The following PRIM2 variants were observed in gnomAD, a reference collection of about 807,000 sequenced individuals.
The protein encoded by PRIM2 is DNA primase subunit 2.
A neutral mutation model predicts 67.3 loss-of-function variants in PRIM2; 39 were observed. The observed-to-expected ratio is 0.58, with a 90% CI of 0.45 to 0.76. The LOEUF (loss-of-function observed/expected upper bound fraction) is 0.76. Among genes scored for constraint, PRIM2 ranks in the 30% least tolerant of loss-of-function variants. The pLI, the probability that PRIM2 is intolerant of heterozygous loss-of-function variation, is 0.00. For missense variants in PRIM2, 398 were observed against 598.7 expected (o/e 0.66, Z 3.50); for synonymous variants, 143 against 198.7 (o/e 0.72, Z 2.36).
intron 10 of PRIM2, among the ~76,000 whole-genome samples, chr6:57,599,612 C>T (rs1163053961): frequency 0.18 from 28,060 of 151,988 alleles, 2,734 homozygotes; most frequent in South Asian, 0.22. Context: ...CTATTAATCA[C>T]GCATTCACAT....
Position 57,532,515 on chromosome 6 carries a change from T to C in PRIM2, c.834+32T>C, listed in dbSNP as rs1424461380. 1.2e-5 allele frequency: 13 copies of C among 1,093,880 alleles called. No homozygotes were observed. The East Asian group carries it at 3.5e-4, about 30-fold the overall frequency. The allele number at this position is 1,093,880 out of a possible 1,614,324, so 67.8% of individuals were successfully genotyped here. A position where few individuals can be genotyped will look rare whatever the true frequency, so the allele number is the denominator to read the frequency against. Reference sequence around the variant, plus strand: ...AGAACATTATTTTAAACTTAGAACTTTATCAATGGAGGGAACATAGATTTT... The same window carrying C: ...AGAACATTATTTTAAACTTAGAACTCTATCAATGGAGGGAACATAGATTTT... On this transcript the variant is annotated intron_variant, in intron 9 of 13. Coordinates refer to ENST00000615550, the MANE Select transcript of PRIM2 (RefSeq NM_000947.5).
intron 5 of PRIM2, among the ~76,000 whole-genome samples, chr6:57,330,361 GTT>G (rs59599812): frequency 4.5e-5 from 5 of 110,380 alleles, no homozygotes; most frequent in South Asian, 3.1e-4. Flanking sequence ...TTTTTTTTTT[GTT>G]TTTGTTTTTT....
At chr6:57,511,167 C>T (rs1774358346) in intron 8 of PRIM2, among the ~76,000 whole-genome samples, 1 of 152,052 alleles carries the variant, frequency 6.6e-6, no homozygotes, top group Non-Finnish European at 1.5e-5. Flanking sequence ...ATTAAGGTAA[C>T]ACTGCCAATC....
At chr6:57,274,087 A>T in the PRIM2 span, among the ~76,000 whole-genome samples, 1 of 152,174 alleles carries the variant, frequency 6.6e-6, no homozygotes, top group Non-Finnish European at 1.5e-5. Context: ...GACCCACTTG[A>T]GGAGGCAGTC....
At chr6:57,455,751 C>A (rs1772749984) in intron 7 of PRIM2, among the ~76,000 whole-genome samples, 1 of 152,168 alleles carries the variant, frequency 6.6e-6, no homozygotes, top group African/African-American at 2.4e-5. Flanking sequence ...ATTTGCCAGT[C>A]TGTGTCTTTT....
At chr6:57,628,747 T>G (rs1427334710) in intron 12 of PRIM2, among the ~76,000 whole-genome samples, 5 of 152,184 alleles carry the variant, frequency 3.3e-5, no homozygotes, top group African/African-American at 9.7e-5. Flanking sequence ...TATTTGATTT[T>G]TTTTTCCTGC....
At chr6:57,305,936 T>C in the PRIM2 span, among the ~76,000 whole-genome samples, 1 of 152,214 alleles carries the variant, frequency 6.6e-6, no homozygotes, top group African/African-American at 2.4e-5. Context: ...CACACAGCAA[T>C]GAAATGCCTA....
the PRIM2 span, among the ~76,000 whole-genome samples, chr6:57,260,755 G>C: frequency 4.0e-5 from 6 of 151,682 alleles, no homozygotes; most frequent in African/African-American, 1.2e-4. Flanking sequence ...ATTTTGGCCA[G>C]GTCATGTTCC....
intron 5 of PRIM2, among the ~76,000 whole-genome samples, chr6:57,350,535 G>A (rs12205544): frequency 4.6e-5 from 7 of 152,252 alleles, no homozygotes; most frequent in South Asian, 2.1e-4. Context: ...CAGGGGAGGC[G>A]TAGGAGGGGT....
intron 3 of PRIM2, 73 bp from the exon 4 acceptor site, chr6:57,324,128 G>C (rs1009727029): frequency 1.4e-5 from 11 of 812,966 alleles, no homozygotes; most frequent in South Asian, 1.2e-4. Context: ...ATTGGCTTAG[G>C]CTGGCTCAGT....
chr6:57,433,924 GTTT>G (rs5876563), intron 7 of PRIM2, among the ~76,000 whole-genome samples: 3 of 135,992 alleles, frequency 2.2e-5, no homozygotes, highest in Non-Finnish European at 1.6e-5. Context: ...TCTGTTCCCT[GTTT>G]TTTTTTTTTT....
At chr6:57,312,329 C>T (rs113999266), upstream of PRIM2, among the ~76,000 whole-genome samples, 1,310 of 152,022 alleles carry the variant, frequency 8.6e-3, 26 homozygotes, top group African/African-American at 0.03. Context: ...AGTGCAGCCC[C>T]ATCTCTACAA....
At chr6:57,301,419 G>A in the PRIM2 span, among the ~76,000 whole-genome samples, 1 of 152,144 alleles carries the variant, frequency 6.6e-6, no homozygotes, top group Non-Finnish European at 1.5e-5. Flanking sequence ...CCCAGGAGGC[G>A]GAGGTTGCGG....
At chr6:57,430,702 C>G (rs1771797880) in intron 7 of PRIM2, among the ~76,000 whole-genome samples, 1 of 152,104 alleles carries the variant, frequency 6.6e-6, no homozygotes, top group Non-Finnish European at 1.5e-5. Context: ...CTCAGGTAAT[C>G]TGCCCACCTT....
the PRIM2 span, among the ~76,000 whole-genome samples, chr6:57,258,660 A>G: frequency 6.8e-6 from 1 of 146,146 alleles, no homozygotes; most frequent in African/African-American, 2.5e-5. Flanking sequence ...AGAAAGCCCA[A>G]GAGCCTAGAA....
chr6:57,265,061 T>C, the PRIM2 span, among the ~76,000 whole-genome samples: 1 of 152,194 alleles, frequency 6.6e-6, no homozygotes, highest in Admixed American at 6.5e-5. Context: ...GATTAATGTA[T>C]GTGAAAGCAA....
intron 13 of PRIM2, among the ~76,000 whole-genome samples, chr6:57,632,988 A>G (rs1241410740): frequency 1.3e-5 from 2 of 152,246 alleles, no homozygotes; most frequent in African/African-American, 2.4e-5. Flanking sequence ...GGCACAGAAT[A>G]GATTTTGAAG....
Position 57,396,982 on chromosome 6 carries a change from G to A in PRIM2, c.693+14814G>A, listed in dbSNP as rs560120621. 3.0e-3 allele frequency among the ~76,000 whole-genome samples: 457 copies of A among 152,176 alleles called. 3 individuals are homozygous for A. Among genetic ancestry groups the A allele is most frequent in the African/African-American group, 0.01 (421 of 41,534 alleles). On this transcript the variant is annotated intron_variant, in intron 7 of 13. Transcript: ENST00000615550. The stretch of plus-strand genomic sequence containing the variant: ...TGATAATGATTTTGTTTGAGGAGGT[G>A]GAAGACAGGGTCCCAATCCCTTCTA...
At chr6:57,550,190 G>A (rs1775372492) in intron 10 of PRIM2, among the ~76,000 whole-genome samples, 1 of 151,954 alleles carries the variant, frequency 6.6e-6, no homozygotes, top group Non-Finnish European at 1.5e-5. Flanking sequence ...CAGCTACAAA[G>A]TCATCTAAAA....
Sources: gnomAD v4.1 joint callset for allele counts (sites outside exome capture counted in the v4.1 genomes callset) on GRCh38, gnomAD v4.1.1 for gene constraint, MANE v1.5 for transcripts, NCBI Gene and HGNC (gene_info 2026-07-23, HGNC 2026-07-21) for gene names.